TMBIM4: variants seen among roughly 807,000 people sequenced by gnomAD.
TMBIM4 encodes protein lifeguard 4.
Under a neutral mutation model 27.7 loss-of-function variants are expected in TMBIM4, and 28 were observed. The observed-to-expected ratio is 1.01, with a 90% CI of 0.75 to 1.38. TMBIM4 has a LOEUF of 1.38. Among genes scored for constraint, TMBIM4 ranks in the 40% most tolerant of loss-of-function variants. The probability of loss-of-function intolerance (pLI) is 0.00; values close to 1 mark genes in which losing one functional copy is unlikely to be tolerated. For missense variants in TMBIM4, 265 were observed against 277.5 expected, an observed-to-expected ratio of 0.95 and a Z score of 0.32; for synonymous variants, 115 against 113.1, an observed-to-expected ratio of 1.02 and a Z score of -0.11.
chr12:66,161,541 TATTTTTATTTGGTGGAGC>T (rs1403026704), intron 1 of TMBIM4, among the ~76,000 whole-genome samples: 2 of 152,240 alleles, frequency 1.3e-5, no homozygotes, highest in Non-Finnish European at 2.9e-5. Context: ...CCACTTCATT[TATTTTTATTTGGTGGAGC>T]ATTTTTAACC....
intron 1 of TMBIM4, among the ~76,000 whole-genome samples, chr12:66,167,723 G>C (rs574499475): frequency 6.6e-6 from 1 of 152,250 alleles, no homozygotes; most frequent in Non-Finnish European, 1.5e-5. Context: ...ATTAAAAATA[G>C]AACTACCACA....
rs1239957915 is a variant in TMBIM4 at position 66,136,229 on chromosome 12, A to T, written c.*1731T>A. The stretch of plus-strand genomic sequence containing the variant: ...TCCCATTATGAAGATGAGGCAGAAG[A>T]CCTAAGGAAGGATAAATAATTCGCC... On this transcript the variant is annotated 3_prime_UTR_variant, in exon 7 of 7. Coordinates refer to ENST00000358230, the MANE Select transcript of TMBIM4 (RefSeq NM_016056.4). 1 of 152,202 alleles carries T rather than the reference A, an allele frequency of 6.6e-6. No homozygotes were observed. The highest frequency in any genetic ancestry group is 1.5e-5 in the Non-Finnish European group (1 of 68,040). 9.4% of individuals were successfully genotyped at this position (152,202 alleles called of 1,614,324 possible). A position where few individuals can be genotyped will look rare whatever the true frequency, so the allele number is the denominator to read the frequency against.
chr12:66,156,919 A>C (rs990070959), intron 1 of TMBIM4, among the ~76,000 whole-genome samples: 1 of 152,136 alleles, frequency 6.6e-6, no homozygotes. Flanking sequence ...TGCTACTTCT[A>C]AGACCAAGTC....
At chr12:66,142,538 TAA>T (rs1242094544) in intron 5 of TMBIM4, among the ~76,000 whole-genome samples, 2 of 151,576 alleles carry the variant, frequency 1.3e-5, no homozygotes, top group Non-Finnish European at 2.9e-5. Context: ...CAGGTGATGC[TAA>T]GAGGGCCACA....
chr12:66,136,407 G>A lies in TMBIM4; in HGVS notation c.*1553C>T, dbSNP rs923646972. The A allele has an allele frequency of 2.6e-5, 4 of 154,228 alleles. No individual in the cohort carries two copies. The highest frequency in any genetic ancestry group is 6.5e-5 in the Admixed American group (1 of 15,274). The allele number at this position is 154,228 out of a possible 1,614,324, so 9.6% of individuals were successfully genotyped here. On this transcript the variant is annotated 3_prime_UTR_variant, in exon 7 of 7. Transcript: ENST00000358230. Reference sequence around the variant, plus strand: ...AAATTTACATCTACAAATCATGCAAGCTTAAATTGATACTACAAGTTTATT... The same window carrying A: ...AAATTTACATCTACAAATCATGCAAACTTAAATTGATACTACAAGTTTATT...
chr12:66,156,302 C>T (rs1396509204), intron 1 of TMBIM4, among the ~76,000 whole-genome samples: 1 of 152,182 alleles, frequency 6.6e-6, no homozygotes, highest in Non-Finnish European at 1.5e-5. Context: ...ATTTGCTGTT[C>T]TCCCAGTGTT....
chr12:66,145,977 G>T lies in TMBIM4; in HGVS notation c.347-19C>A. 7.6e-7 allele frequency: 1 copy of T among 1,308,260 alleles called. No homozygotes were observed. The highest frequency in any genetic ancestry group is 1.1e-6 in the Non-Finnish European group (1 of 918,632). 81.0% of individuals were successfully genotyped at this position (1,308,260 alleles called of 1,614,324 possible). A position where few individuals can be genotyped will look rare whatever the true frequency, so the allele number is the denominator to read the frequency against. On this transcript the variant is annotated intron_variant, in intron 4 of 6. Transcript: ENST00000358230. ...AAAGTAACTGTAAAATTAAAACACT[G>T]ATTAACATGCATATAAACATGCTCA... is the stretch of plus-strand genomic sequence containing the variant.
chr12:66,169,815 A>G, intron 1 of TMBIM4, 40 bp downstream of exon 1: 1 of 1,466,300 alleles, frequency 6.8e-7, no homozygotes, highest in Non-Finnish European at 9.1e-7. Flanking sequence ...CGAGCAGTGC[A>G]GACAAGCGGC....
intron 3 of TMBIM4, among the ~76,000 whole-genome samples, chr12:66,151,052 T>A (rs527276269): frequency 6.6e-6 from 1 of 152,182 alleles, no homozygotes; most frequent in African/African-American, 2.4e-5. Flanking sequence ...TGAGTTAGAA[T>A]TGACAATCTT....
At chr12:66,142,063 T>C (rs1429197835) in intron 5 of TMBIM4, among the ~76,000 whole-genome samples, 6 of 151,918 alleles carry the variant, frequency 3.9e-5, no homozygotes, top group Non-Finnish European at 7.4e-5. Flanking sequence ...AAGATACCAT[T>C]AAAAAATAAA....
intron 1 of TMBIM4, among the ~76,000 whole-genome samples, chr12:66,166,320 C>G (rs1025050810): frequency 2.0e-5 from 3 of 151,884 alleles, no homozygotes; most frequent in Non-Finnish European, 4.4e-5. Context: ...AAAAAATTAG[C>G]TAGGCATGGT....
chr12:66,137,462 C>T lies in TMBIM4; in HGVS notation c.*498G>A. The T allele has an allele frequency of 6.6e-6, 1 of 152,356 alleles. No individual in the cohort carries two copies. The highest frequency in any genetic ancestry group is 1.5e-5 in the Non-Finnish European group (1 of 68,892). 9.4% of individuals were successfully genotyped at this position (152,356 alleles called of 1,614,324 possible). A position where few individuals can be genotyped will look rare whatever the true frequency, so the allele number is the denominator to read the frequency against. ...CCAGGCTGGAATGCAGTGGCGTGAT[C>T]TTGGCTCAATGCAACCTCCACCTCC... On this transcript the variant is annotated 3_prime_UTR_variant, in exon 7 of 7. Coordinates refer to ENST00000358230, the MANE Select transcript of TMBIM4 (RefSeq NM_016056.4).
chr12:66,147,877 T>C, intron 4 of TMBIM4, 31 bp downstream of exon 4: 3 of 1,593,296 alleles, frequency 1.9e-6, no homozygotes, highest in Non-Finnish European at 2.6e-6. Context: ...AAAAAGTTAT[T>C]ATAACATATA....
At chr12:66,152,709 T>C (rs117003205) in intron 2 of TMBIM4, among the ~76,000 whole-genome samples, 3,071 of 152,178 alleles carry the variant, frequency 0.02, 43 homozygotes, top group Non-Finnish European at 0.029. Context: ...ACTACTTTCT[T>C]AGGATATTTG....
chr12:66,169,611 A>G (rs1052996235), intron 1 of TMBIM4: 6 of 464,092 alleles, frequency 1.3e-5, no homozygotes, highest in African/African-American at 1.0e-4. Context: ...CGCACACAGG[A>G]CAGCCGCAAG....
chr12:66,158,033 T>C (rs1183153016), intron 1 of TMBIM4, among the ~76,000 whole-genome samples: 1 of 151,600 alleles, frequency 6.6e-6, no homozygotes, highest in Non-Finnish European at 1.5e-5. Flanking sequence ...AAGACCATCC[T>C]CGCTAACACG....
chr12:66,156,240 T>C (rs542697345), intron 1 of TMBIM4, among the ~76,000 whole-genome samples: 1 of 152,228 alleles, frequency 6.6e-6, no homozygotes, highest in Non-Finnish European at 1.5e-5. Context: ...TCCCTTCTAT[T>C]TGACATCTCA....
rs149997921 is a variant in TMBIM4 at position 66,136,787 on chromosome 12, A to C, written c.*1173T>G. 2.6e-5 allele frequency: 4 copies of C among 152,276 alleles called. No homozygotes were observed. The East Asian group carries it at 7.7e-4, about 29-fold the overall frequency. 9.4% of individuals were successfully genotyped at this position (152,276 alleles called of 1,614,324 possible). On this transcript the variant is annotated 3_prime_UTR_variant, in exon 7 of 7. Transcript: ENST00000358230. ...TAGCCTCCAGAACTGTGGGAAAACA[A>C]ATTTCTTGTTGAAGCCACCCAAGCT... is the stretch of plus-strand genomic sequence containing the variant.
At chr12:66,145,025 T>G (rs549666036) in intron 5 of TMBIM4, among the ~76,000 whole-genome samples, 1 of 152,254 alleles carries the variant, frequency 6.6e-6, no homozygotes, top group Non-Finnish European at 1.5e-5. Flanking sequence ...CACACAAATA[T>G]GTATGAAACA....
Sources: allele counts gnomAD v4.1 joint callset (sites outside exome capture counted in the v4.1 genomes callset), GRCh38; gene constraint gnomAD v4.1.1; transcripts MANE v1.5; gene names NCBI Gene and HGNC (gene_info 2026-07-23, HGNC 2026-07-21).